The following PRKCB variants were observed in gnomAD, a reference collection of about 807,000 sequenced individuals.
PRKCB encodes protein kinase C beta.
In PRKCB, 13 loss-of-function variants were observed where a neutral mutation model predicts 81.5. That is an observed-to-expected ratio of 0.16 (90% confidence interval 0.10 to 0.25). The LOEUF (loss-of-function observed/expected upper bound fraction) is 0.25, where lower values mean the gene tolerates loss of function less well. Among genes scored for constraint, PRKCB ranks in the 10% least tolerant of loss-of-function variants. The pLI, the probability that PRKCB is intolerant of heterozygous loss-of-function variation, is 1.00. For synonymous variants in PRKCB, 335 were observed against 321.4 expected, an observed-to-expected ratio of 1.04 and a Z score of -0.45; for missense variants, 509 against 875.7, an observed-to-expected ratio of 0.58 and a Z score of 5.29.
At chr16:23,847,354 A>G (rs1176609394) in intron 2 of PRKCB, among the ~76,000 whole-genome samples, 1 of 113,598 alleles carries the variant, frequency 8.8e-6, no homozygotes, top group Non-Finnish European at 1.8e-5. Flanking sequence ...CTATCTATCT[A>G]TCTATCTATC....
chr16:23,927,542 T>TA (rs1963913628), intron 2 of PRKCB, among the ~76,000 whole-genome samples: 2 of 152,170 alleles, frequency 1.3e-5, no homozygotes, highest in South Asian at 4.2e-4. Context: ...TGGCTGCCGT[T>TA]AAAAATGAAT....
At chr16:24,162,855 C>A (rs1967282526) in intron 10 of PRKCB, among the ~76,000 whole-genome samples, 1 of 152,068 alleles carries the variant, frequency 6.6e-6, no homozygotes, top group Non-Finnish European at 1.5e-5. Flanking sequence ...GCAATCTATG[C>A]AGGTAACCAA....
intron 15 of PRKCB, among the ~76,000 whole-genome samples, chr16:24,189,515 G>A (rs1024918487): frequency 9.9e-5 from 15 of 151,762 alleles, no homozygotes; most frequent in Admixed American, 9.9e-4. Flanking sequence ...GGTGGTGGGC[G>A]CCTGTAATCC....
intron 2 of PRKCB, among the ~76,000 whole-genome samples, chr16:23,865,265 T>TGTGTG (rs1962751011): frequency 3.1e-5 from 4 of 129,152 alleles, no homozygotes; most frequent in African/African-American, 8.8e-5. Flanking sequence ...TCTGTTTTGT[T>TGTGTG]TGTGTGTGTG....
intron 10 of PRKCB, among the ~76,000 whole-genome samples, chr16:24,167,665 G>T (rs1161229131): frequency 1.3e-5 from 2 of 152,126 alleles, no homozygotes; most frequent in Admixed American, 1.3e-4. Context: ...TCCCATCCTG[G>T]ACTGGAAGCT....
chr16:24,169,077 A>G (rs1260267852), intron 10 of PRKCB, among the ~76,000 whole-genome samples: 2 of 152,070 alleles, frequency 1.3e-5, no homozygotes, highest in East Asian at 3.9e-4. Context: ...ATTATCGCAT[A>G]TGTTATCCTC....
At chr16:23,870,717 A>G (rs990548561) in intron 2 of PRKCB, among the ~76,000 whole-genome samples, 1 of 152,214 alleles carries the variant, frequency 6.6e-6, no homozygotes, top group Non-Finnish European at 1.5e-5. Context: ...TACAGCCACA[A>G]AGCAAGCTGT....
chr16:23,887,840 C>T (rs1016281058), intron 2 of PRKCB, among the ~76,000 whole-genome samples: 7 of 149,808 alleles, frequency 4.7e-5, no homozygotes, highest in East Asian at 1.9e-4. Context: ...CTTTTTTCTC[C>T]GTAATCTCAC....
intron 2 of PRKCB, among the ~76,000 whole-genome samples, chr16:23,960,632 C>T (rs1567326797): frequency 6.6e-6 from 1 of 152,168 alleles, no homozygotes; most frequent in Non-Finnish European, 1.5e-5. Context: ...CTCTTCCCTC[C>T]CCACTCTGAC....
At chr16:24,141,843 G>A (rs776717786) in intron 9 of PRKCB, among the ~76,000 whole-genome samples, 5 of 152,172 alleles carry the variant, frequency 3.3e-5, no homozygotes, top group African/African-American at 4.8e-5. Flanking sequence ...CTTTGTGTAA[G>A]GATCTCCCAG....
At chr16:23,974,776 G>T (rs776476659) in intron 2 of PRKCB, among the ~76,000 whole-genome samples, 1 of 152,178 alleles carries the variant, frequency 6.6e-6, no homozygotes, top group Non-Finnish European at 1.5e-5. Context: ...GTTGGCACAC[G>T]AGTGGTGCCA....
chr16:24,205,352 T>C (rs1432779499), intron 16 of PRKCB, among the ~76,000 whole-genome samples: 2 of 151,362 alleles, frequency 1.3e-5, no homozygotes, highest in East Asian at 2.0e-4. Flanking sequence ...ACAGGTTCTC[T>C]CTATGTTGCC....
intron 3 of PRKCB, among the ~76,000 whole-genome samples, chr16:24,021,188 C>CTCTTTCTTTCTTTCTTTCTTTCTT (rs58292773): frequency 1.6e-5 from 1 of 62,070 alleles, no homozygotes; most frequent in Non-Finnish European, 2.9e-5. Context: ...CCCTTCCTTC[C>CTCTTTCTTTCTTTCTTTCTTTCTT]TCTTTCTTTC....
chr16:24,138,984 T>TAA (rs1966877048), intron 9 of PRKCB, among the ~76,000 whole-genome samples: 1 of 151,596 alleles, frequency 6.6e-6, no homozygotes, highest in Non-Finnish European at 1.5e-5. Context: ...CCTGAGTAGC[T>TAA]GAGATTACAG....
chr16:24,078,526 T>TG (rs1431678380), intron 5 of PRKCB, among the ~76,000 whole-genome samples: 1 of 152,142 alleles, frequency 6.6e-6, no homozygotes, highest in Non-Finnish European at 1.5e-5. Context: ...CAGATGTTTA[T>TG]GGGGGGCAGG....
intron 15 of PRKCB, among the ~76,000 whole-genome samples, chr16:24,188,599 A>C (rs1177242741): frequency 6.6e-6 from 1 of 152,160 alleles, no homozygotes; most frequent in Non-Finnish European, 1.5e-5. Context: ...CTAAAAAAAA[A>C]AAATTAGTAA....
chr16:23,953,033 T>G (rs1964303220), intron 2 of PRKCB, among the ~76,000 whole-genome samples: 1 of 152,150 alleles, frequency 6.6e-6, no homozygotes, highest in Admixed American at 6.5e-5. Context: ...GCAGGGTGCT[T>G]CCTAGAGCAT....
At chr16:24,204,192 T>C (rs1274064057) in intron 16 of PRKCB, among the ~76,000 whole-genome samples, 1 of 152,100 alleles carries the variant, frequency 6.6e-6, no homozygotes, top group Non-Finnish European at 1.5e-5. Flanking sequence ...CGCCACACCC[T>C]ACAAGAAACT....
chr16:24,135,597 G>A (rs1365637622), intron 9 of PRKCB, among the ~76,000 whole-genome samples: 1 of 152,090 alleles, frequency 6.6e-6, no homozygotes, highest in Non-Finnish European at 1.5e-5. Context: ...ACAGGCTTGA[G>A]CCACCACACC....
Sources: allele counts gnomAD v4.1 joint callset (sites outside exome capture counted in the v4.1 genomes callset), GRCh38; gene constraint gnomAD v4.1.1; transcripts MANE v1.5; gene names NCBI Gene and HGNC (gene_info 2026-07-23, HGNC 2026-07-21).